The following THADA variants were observed in gnomAD, a reference collection of about 807,000 sequenced individuals.
THADA encodes THADA armadillo repeat containing.
A neutral mutation model predicts 219.8 loss-of-function variants in THADA; 213 were observed. The observed-to-expected ratio is 0.97, with a 90% CI of 0.87 to 1.09. The LOEUF (loss-of-function observed/expected upper bound fraction) is 1.09, where lower values mean the gene tolerates loss of function less well. Among genes scored for constraint, THADA ranks in the 50% least tolerant of loss-of-function variants. The pLI is 0.00. For missense variants in THADA, 2,956 were observed against 2,311.3 expected, an observed-to-expected ratio of 1.28 and a Z score of -5.72; for synonymous variants, 1,018 against 828.9, an observed-to-expected ratio of 1.23 and a Z score of -3.92.
intron 29 of THADA, among the ~76,000 whole-genome samples, chr2:43,347,160 G>C (rs1468214964): frequency 6.6e-6 from 1 of 152,128 alleles, no homozygotes; most frequent in Non-Finnish European, 1.5e-5. Context: ...TTTTGAAGCC[G>C]GGCAGAGATA....
At chr2:43,444,417 G>A (rs571863378) in intron 26 of THADA, among the ~76,000 whole-genome samples, 23 of 152,272 alleles carry the variant, frequency 1.5e-4, no homozygotes, top group Admixed American at 5.9e-4. Flanking sequence ...TAGGTGGAAC[G>A]CTGCTACTCC....
intron 36 of THADA, among the ~76,000 whole-genome samples, chr2:43,234,048 G>T (rs1667747417): frequency 1.3e-5 from 2 of 152,128 alleles, no homozygotes; most frequent in South Asian, 4.2e-4. Context: ...TAGTTCCCGT[G>T]GGTGTTGAAC....
chr2:43,409,328 A>G (rs944137383), intron 28 of THADA, among the ~76,000 whole-genome samples: 1 of 152,168 alleles, frequency 6.6e-6, no homozygotes, highest in African/African-American at 2.4e-5. Flanking sequence ...AGTACAAGGA[A>G]AGTTTTGAAA....
At chr2:43,267,622 C>T (rs1671669158) in intron 36 of THADA, among the ~76,000 whole-genome samples, 1 of 152,196 alleles carries the variant, frequency 6.6e-6, no homozygotes, top group African/African-American at 2.4e-5. Flanking sequence ...GACTTCCAGG[C>T]TGGCCCTTCC....
In THADA at chr2:43,571,688, T is replaced by C. The variant is rs1442000494; in HGVS notation, c.2064+19A>G. Reference sequence around the variant, plus strand: ...ACAAAGTTCACCACTTCCCTATGCCTTCTGATGGGAAATTCTACCTTTTTA... The same window carrying C: ...ACAAAGTTCACCACTTCCCTATGCCCTCTGATGGGAAATTCTACCTTTTTA... On this transcript the variant is annotated intron_variant, in intron 13 of 37. Coordinates refer to ENST00000405975, the MANE Select transcript of THADA (RefSeq NM_022065.5). The C allele has an allele frequency of 6.2e-7, 1 of 1,602,032 alleles. No individual in the cohort carries two copies. The highest frequency in any genetic ancestry group is 1.7e-5 in the Admixed American group (1 of 57,734).
intron 30 of THADA, among the ~76,000 whole-genome samples, chr2:43,326,381 G>A (rs1679338749): frequency 6.6e-6 from 1 of 152,198 alleles, no homozygotes; most frequent in African/African-American, 2.4e-5. Context: ...CATGTCCAAA[G>A]ACTTGGGGAC....
At position 43,231,096 on chromosome 2, in the gene THADA, C is replaced by G. The variant is rs752879015; in HGVS notation, c.5714G>C (p.Arg1905Pro). 5.0e-6 allele frequency: 8 copies of G among 1,613,816 alleles called. No homozygotes were observed. The highest frequency in any genetic ancestry group is 6.8e-6 in the Non-Finnish European group (8 of 1,179,872). The change falls in exon 38 of 38, where the codon CGC becomes CCC. Residue 1905 changes from arginine to proline, a missense_variant. Arg to Pro is a moderately radical substitution (Grantham distance 103). Coordinates refer to ENST00000405975, the MANE Select transcript of THADA (RefSeq NM_022065.5). ...FVKTVEFTRLRIQEERTLACL... is the reference protein window; with the variant it reads ...FVKTVEFTRLPIQEERTLACL... Reference sequence around the variant, plus strand: ...AGCCAAAGTCCTTTCCTCTTGAATGCGTAGTCTTGTGAACTCCACTGTCTT... The same window carrying G: ...AGCCAAAGTCCTTTCCTCTTGAATGGGTAGTCTTGTGAACTCCACTGTCTT...
chr2:43,307,375 G>A (rs564672238), intron 31 of THADA, among the ~76,000 whole-genome samples: 2 of 151,812 alleles, frequency 1.3e-5, no homozygotes, highest in East Asian at 1.9e-4. Context: ...CTGGAGATCT[G>A]TAGACCAAGG....
At chr2:43,330,878 C>G (rs1056843142) in intron 30 of THADA, among the ~76,000 whole-genome samples, 3 of 152,168 alleles carry the variant, frequency 2.0e-5, no homozygotes, top group Non-Finnish European at 4.4e-5. Context: ...AACAAACTTG[C>G]TATTTACATC....
chr2:43,467,511 C>T (rs1392919064), intron 26 of THADA, among the ~76,000 whole-genome samples: 1 of 152,150 alleles, frequency 6.6e-6, no homozygotes, highest in Non-Finnish European at 1.5e-5. Flanking sequence ...ATAATGTTTA[C>T]CTACCCACAC....
At chr2:43,386,047 C>T (rs1465423169) in intron 29 of THADA, among the ~76,000 whole-genome samples, 1 of 151,942 alleles carries the variant, frequency 6.6e-6, no homozygotes, top group African/African-American at 2.4e-5. Flanking sequence ...GAACATGGGC[C>T]CATCAGTAAA....
intron 36 of THADA, among the ~76,000 whole-genome samples, chr2:43,265,218 G>A (rs1402778749): frequency 6.6e-5 from 10 of 152,188 alleles, no homozygotes; most frequent in African/African-American, 2.4e-4. Flanking sequence ...GCACTGAAAG[G>A]CTGCTGGGAG....
chr2:43,569,340 A>G (rs1699039168), intron 14 of THADA, among the ~76,000 whole-genome samples: 1 of 152,186 alleles, frequency 6.6e-6, no homozygotes, highest in Non-Finnish European at 1.5e-5. Context: ...TCGGCCTTTT[A>G]GCTAAGATCA....
chr2:43,568,808 G>A (rs1698967058), intron 14 of THADA, among the ~76,000 whole-genome samples: 1 of 152,048 alleles, frequency 6.6e-6, no homozygotes, highest in Admixed American at 6.5e-5. Flanking sequence ...TTTGGGAGGT[G>A]GAGTGGGGGG....
chr2:43,362,280 A>C (rs1215060740), intron 29 of THADA, among the ~76,000 whole-genome samples: 1 of 152,210 alleles, frequency 6.6e-6, no homozygotes, highest in Non-Finnish European at 1.5e-5. Context: ...TCCTACTTCA[A>C]AGGGTATGAA....
Position 43,412,613 on chromosome 2 carries a change from C to T in THADA, c.4059-14474G>A, listed in dbSNP as rs189881248. Among the ~76,000 whole-genome samples the T allele has an allele frequency of 9.2e-4, 140 of 152,302 alleles. No individual in the cohort carries two copies. In the East Asian group the frequency reaches 0.023, roughly 25 times the overall value. ...CTCCACTCCCCTATATACTTCAAAGCATTTCATTTATTATTCAAATGGTTC... is the reference window on the plus strand; with the variant it reads ...CTCCACTCCCCTATATACTTCAAAGTATTTCATTTATTATTCAAATGGTTC... On this transcript the variant is annotated intron_variant, in intron 28 of 37. Transcript: ENST00000405975.
chr2:43,524,422 G>A (rs1472126438), intron 22 of THADA, among the ~76,000 whole-genome samples: 1 of 152,172 alleles, frequency 6.6e-6, no homozygotes, highest in African/African-American at 2.4e-5. Context: ...ATCTCTTTAA[G>A]TGCTTCCTTC....
chr2:43,435,207 C>T (rs1679914918), intron 26 of THADA, among the ~76,000 whole-genome samples: 1 of 152,152 alleles, frequency 6.6e-6, no homozygotes, highest in African/African-American at 2.4e-5. Context: ...GTAATCCGAG[C>T]ACTTTGGGAG....
chr2:43,518,780 C>G (rs912269410), intron 22 of THADA, among the ~76,000 whole-genome samples: 2 of 152,154 alleles, frequency 1.3e-5, no homozygotes, highest in Admixed American at 6.6e-5. Flanking sequence ...GGCTGACTTT[C>G]AAACATATAC....
Sources: allele counts gnomAD v4.1 joint callset (sites outside exome capture counted in the v4.1 genomes callset), GRCh38; gene constraint gnomAD v4.1.1; transcripts MANE v1.5; gene names NCBI Gene and HGNC (gene_info 2026-07-23, HGNC 2026-07-21).